Variants in FBN2 observed in about 807,000 individuals in gnomAD.
FBN2 encodes the protein fibrillin 2.
Under a neutral mutation model 355.6 loss-of-function variants are expected in FBN2, and 105 were observed. The observed-to-expected ratio is 0.30, with a 90% confidence interval of 0.25 to 0.35. FBN2 has a LOEUF of 0.35. Among genes scored for constraint, FBN2 ranks in the 10% least tolerant of loss-of-function variants. The probability of loss-of-function intolerance (pLI) is 1.00; values close to 1 mark genes in which losing one functional copy is unlikely to be tolerated. For synonymous variants in FBN2, 1,350 were observed against 1,301.2 expected (o/e 1.04, Z -0.81); for missense variants, 3,280 against 3,758.7 (o/e 0.87, Z 3.33).
intron 24 of FBN2, 96 bp downstream of exon 24, chr5:128,345,260 TG>T: frequency 3.1e-6 from 3 of 982,084 alleles, no homozygotes; most frequent in East Asian, 2.4e-5. Flanking sequence ...GAAAATAAAG[TG>T]GGAAGTCAAA....
intron 7 of FBN2, among the ~76,000 whole-genome samples, chr5:128,434,394 G>GTGTATATATATATATATATATATA (rs377404948): frequency 3.3e-5 from 3 of 91,672 alleles, no homozygotes; most frequent in African/African-American, 1.8e-4. Flanking sequence ...AATAAAGTGT[G>GTGTATATATATATATATATATATA]TATATATATA....
At chr5:128,276,306 G>C in intron 58 of FBN2, 146 bp from the exon 59 acceptor site, 3 of 794,318 alleles carry the variant, frequency 3.8e-6, no homozygotes, top group Non-Finnish European at 6.3e-6. Flanking sequence ...TGCACAGAAG[G>C]ATTTTTTCTA....
At chr5:128,470,429 A>G (rs1426378787) in intron 5 of FBN2, among the ~76,000 whole-genome samples, 1 of 152,132 alleles carries the variant, frequency 6.6e-6, no homozygotes, top group Non-Finnish European at 1.5e-5. Flanking sequence ...AAGACAAAAG[A>G]GTCTGGTAGG....
chr5:128,472,855 A>C (rs1413061707), intron 5 of FBN2, among the ~76,000 whole-genome samples: 1 of 152,174 alleles, frequency 6.6e-6, no homozygotes, highest in African/African-American at 2.4e-5. Flanking sequence ...CGACAATCTT[A>C]AAAATAAATA....
At chr5:128,409,802 G>C (rs1753017675) in intron 7 of FBN2, among the ~76,000 whole-genome samples, 1 of 151,942 alleles carries the variant, frequency 6.6e-6, no homozygotes, top group Admixed American at 6.6e-5. Context: ...CTTTTCAGTT[G>C]CATTTATTCT....
chr5:128,373,498 T>C (rs1349771701), intron 15 of FBN2, among the ~76,000 whole-genome samples: 1 of 152,190 alleles, frequency 6.6e-6, no homozygotes, highest in African/African-American at 2.4e-5. Flanking sequence ...TTGGGATCCA[T>C]ATGTTTTGAT....
rs1022830212 is a variant in FBN2 at position 128,328,723 on chromosome 5, G to C, written c.4444C>G (p.Pro1482Ala). ...TGGCAGGATCTGCTGTCTGAGGCTG[G>C]AGTGAAGCCCATCTCACACTCGCAG... Reference protein sequence around the residue: ...YRCECEMGFTPASDSRSCQDI... With the variant: ...YRCECEMGFTAASDSRSCQDI... Residue 1482 changes from proline to alanine, a missense_variant, in exon 34 of 65, where the codon CCA becomes GCA. Pro to Ala is a conservative substitution (Grantham distance 27). Transcript: ENST00000262464. The C allele has an allele frequency of 6.2e-6, 10 of 1,614,008 alleles. No individual in the cohort carries two copies. The highest frequency in any genetic ancestry group is 7.6e-6 in the Non-Finnish European group (9 of 1,180,032).
intron 33 of FBN2, 22 bp from the exon 34 acceptor site, chr5:128,328,843 ATC>A (rs779371083): frequency 1.9e-6 from 3 of 1,613,810 alleles, no homozygotes; most frequent in Non-Finnish European, 2.5e-6. Context: ...AGCAAATTAC[ATC>A]TCTGTTAAGT....
chr5:128,526,735 A>G (rs1756572421), intron 4 of FBN2, among the ~76,000 whole-genome samples: 1 of 152,064 alleles, frequency 6.6e-6, no homozygotes, highest in Non-Finnish European at 1.5e-5. Context: ...GGGAGAGGGA[A>G]ATGGGGGTTA....
chr5:128,269,170 T>C (rs1048288597), intron 62 of FBN2, among the ~76,000 whole-genome samples: 2 of 151,662 alleles, frequency 1.3e-5, no homozygotes, highest in Non-Finnish European at 2.9e-5. Context: ...ATTCTAGCAC[T>C]TTGGGAGGCC....
At chr5:128,530,793 T>A in intron 2 of FBN2, 100 bp from the exon 3 acceptor site, 1 of 764,898 alleles carries the variant, frequency 1.3e-6, no homozygotes, top group Non-Finnish European at 2.2e-6. Context: ...CCTGAAAAAC[T>A]AAGATAAAAT....
Position 128,277,885 on chromosome 5 carries a change from C to T in FBN2, c.7466G>A (p.Cys2489Tyr), listed in dbSNP as rs1372405577. ...GYTTDISGTS[C>Y]IDLDECSQSP... ...ATAGAGGTGCCCATCGTTACCTATA[C>T]AAGAGGTTCCACTGATGTCTGTGGT... The change falls in exon 58 of 65, where the codon TGT becomes TAT. Residue 2489 changes from cysteine (C) to tyrosine (Y), a missense_variant. Coordinates refer to ENST00000262464, the MANE Select transcript of FBN2 (RefSeq NM_001999.4). 6.2e-7 allele frequency: 1 copy of T among 1,614,168 alleles called. No individual in the cohort carries two copies. The highest frequency in any genetic ancestry group is 1.1e-5 in the South Asian group (1 of 91,084).
chr5:128,271,995 T>C lies in FBN2; in HGVS notation c.7960+4A>G. The stretch of plus-strand genomic sequence containing the variant: ...CAAGTGCGATGGAAGAAAAGAGCAC[T>C]CACCGACACACTGATTCCACTGGTA... On this transcript the variant is annotated splice_donor_region_variant and intron_variant, in intron 62 of 64. Coordinates refer to ENST00000262464, the MANE Select transcript of FBN2 (RefSeq NM_001999.4). 6.2e-7 allele frequency: 1 copy of C among 1,613,844 alleles called. No individual in the cohort carries two copies. Among genetic ancestry groups the C allele is most frequent in the Non-Finnish European group, 8.5e-7 (1 of 1,179,864 alleles).
chr5:128,326,271 C>T (rs1453565752), intron 34 of FBN2, among the ~76,000 whole-genome samples: 3 of 152,140 alleles, frequency 2.0e-5, no homozygotes, highest in Non-Finnish European at 4.4e-5. Context: ...TGTATTCAGT[C>T]GCCCAAAGTT....
intron 46 of FBN2, 47 bp from the exon 47 acceptor site, chr5:128,301,557 T>C: frequency 6.3e-7 from 1 of 1,588,314 alleles, no homozygotes; most frequent in South Asian, 1.1e-5. Context: ...TCTTAACATG[T>C]ATATTGTTTC....
At chr5:128,315,119 A>G (rs1011351870) in intron 36 of FBN2, among the ~76,000 whole-genome samples, 21 of 152,216 alleles carry the variant, frequency 1.4e-4, no homozygotes, top group Non-Finnish European at 2.1e-4. Context: ...TACCAACTAC[A>G]TCCAAGGAAC....
In FBN2 at chr5:128,403,312, TGTGCACTAACAC is replaced by T. The variant is rs1161647289; in HGVS notation, c.1078+5350_1078+5361del. On this transcript the variant is annotated intron_variant, in intron 8 of 64. Coordinates refer to ENST00000262464, the MANE Select transcript of FBN2 (RefSeq NM_001999.4). ...TTTCAAGAATACTCCACAGCAGTAT[TGTGCACTAACAC>T]GTTTGGAAAGCTTGAGGAAATGCCT... Among the ~76,000 whole-genome samples, 4 of 152,258 alleles carry T rather than the reference TGTGCACTAACAC, an allele frequency of 2.6e-5. No individual in the cohort carries two copies. The East Asian group carries it at 7.7e-4, about 29-fold the overall frequency.
chr5:128,290,765 C>T lies in FBN2; in HGVS notation c.6412G>A (p.Asp2138Asn), dbSNP rs753821249. The change falls in exon 50 of 65, where the codon GAC (aspartate) becomes AAC (asparagine). Residue 2138 changes from aspartate (D) to asparagine (N), a missense_variant. Coordinates refer to ENST00000262464, the MANE Select transcript of FBN2 (RefSeq NM_001999.4). ...CSKMPGEGWG[D>N]PCELCPKDDE... is the part of the protein sequence containing the mutation. ...TCTTTGGGGCACAGCTCACAGGGGT[C>T]CCCCCAGCCCTCTCCTGGCATCTTA... The T allele has an allele frequency of 1.2e-5, 20 of 1,613,674 alleles. No individual in the cohort carries two copies. The highest frequency in any genetic ancestry group is 8.5e-7 in the Non-Finnish European group (1 of 1,179,696).
In FBN2 at chr5:128,482,827, T is replaced by C. The variant is rs368313865; in HGVS notation, c.629-17906A>G. Among the ~76,000 whole-genome samples the C allele has an allele frequency of 2.6e-5, 4 of 152,142 alleles. No individual in the cohort carries two copies. In the South Asian group the frequency reaches 8.3e-4, roughly 31 times the overall value. Reference sequence around the variant, plus strand: ...TTTATCATCATTATAATGTGAAAAATTGTTCTGGTCTCATTCATACTAACT... The same window carrying C: ...TTTATCATCATTATAATGTGAAAAACTGTTCTGGTCTCATTCATACTAACT... On this transcript the variant is annotated intron_variant, in intron 5 of 64. Coordinates refer to ENST00000262464, the MANE Select transcript of FBN2 (RefSeq NM_001999.4).
Sources: allele counts gnomAD v4.1 joint callset (sites outside exome capture counted in the v4.1 genomes callset), GRCh38; gene constraint gnomAD v4.1.1; transcripts MANE v1.5; gene names NCBI Gene and HGNC (gene_info 2026-07-23, HGNC 2026-07-21).